RAD51B: variants seen among roughly 807,000 people sequenced by gnomAD.
RAD51B encodes the protein DNA repair protein RAD51 homolog 2.
A neutral mutation model predicts 42.2 loss-of-function variants in RAD51B; 38 were observed. The observed-to-expected ratio is 0.90, with a 90% CI of 0.70 to 1.18. The LOEUF (loss-of-function observed/expected upper bound fraction) is 1.18. RAD51B is among the 50% of genes most tolerant of loss of function. The pLI is 0.00. For missense variants in RAD51B, 373 were observed against 400.7 expected, an observed-to-expected ratio of 0.93 and a Z score of 0.59; for synonymous variants, 154 against 145.2, an observed-to-expected ratio of 1.06 and a Z score of -0.43.
intron 10 of RAD51B, among the ~76,000 whole-genome samples, chr14:68,544,275 C>T (rs1888111879): frequency 6.6e-6 from 1 of 152,190 alleles, no homozygotes; most frequent in Admixed American, 6.5e-5. Context: ...ATACTTGCTG[C>T]TGGAGGAAGG....
intron 7 of RAD51B, among the ~76,000 whole-genome samples, chr14:68,185,165 G>A (rs2079132943): frequency 6.6e-6 from 1 of 152,092 alleles, no homozygotes; most frequent in Non-Finnish European, 1.5e-5. Context: ...AAAATAAAAG[G>A]ATAGGGATGA....
intron 10 of RAD51B, among the ~76,000 whole-genome samples, chr14:68,486,768 C>T (rs1472431501): frequency 6.6e-6 from 1 of 152,156 alleles, no homozygotes; most frequent in African/African-American, 2.4e-5. Flanking sequence ...ATTTTTCATG[C>T]CCACACCTCA....
intron 10 of RAD51B, among the ~76,000 whole-genome samples, chr14:68,560,916 T>C (rs1288363615): frequency 1.3e-5 from 2 of 152,124 alleles, no homozygotes; most frequent in Non-Finnish European, 2.9e-5. Context: ...CTCACTGGGA[T>C]CATCCGGCAG....
intron 7 of RAD51B, among the ~76,000 whole-genome samples, chr14:68,253,706 A>T (rs1272318060): frequency 6.6e-6 from 1 of 152,196 alleles, no homozygotes; most frequent in African/African-American, 2.4e-5. Context: ...ATCTGTATTT[A>T]TTTATGCTTT....
chr14:67,968,239 G>A (rs1488210539), intron 7 of RAD51B, among the ~76,000 whole-genome samples: 1 of 152,272 alleles, frequency 6.6e-6, no homozygotes, highest in East Asian at 1.9e-4. Context: ...TAGGCTTCTG[G>A]GTCTGTGATG....
intron 4 of RAD51B, among the ~76,000 whole-genome samples, chr14:67,847,729 G>T (rs1022204911): frequency 1.3e-5 from 2 of 152,160 alleles, no homozygotes; most frequent in Non-Finnish European, 2.9e-5. Context: ...TATGTTTCTT[G>T]TACAGTTGAG....
intron 7 of RAD51B, among the ~76,000 whole-genome samples, chr14:67,955,692 A>G (rs10146831): frequency 0.06 from 9,117 of 152,286 alleles, 642 homozygotes; most frequent in African/African-American, 0.17. Flanking sequence ...ATTAGATTCT[A>G]TGTAGCTAAA....
intron 8 of RAD51B, among the ~76,000 whole-genome samples, chr14:68,357,472 G>A (rs890375028): frequency 4.6e-5 from 7 of 151,702 alleles, no homozygotes; most frequent in Non-Finnish European, 7.4e-5. Flanking sequence ...TATGAATCAC[G>A]AATCTTCTGA....
chr14:68,588,008 GA>G lies in RAD51B; in HGVS notation c.1037-6475del, dbSNP rs1272404061. On this transcript the variant is annotated intron_variant, in intron 10 of 10. Coordinates refer to the RAD51B transcript ENST00000487270. ...CACCTGGGAGCTTGTTACAGAAGCA[GA>G]ATCTCAGGCCCTACTGAATCAGAGA... 2.0e-5 allele frequency among the ~76,000 whole-genome samples: 3 copies of G among 152,354 alleles called. No individual in the cohort carries two copies. In the East Asian group the frequency reaches 5.8e-4, roughly 29 times the overall value.
chr14:68,035,375 G>T (rs1452569696), intron 7 of RAD51B, among the ~76,000 whole-genome samples: 2 of 151,092 alleles, frequency 1.3e-5, no homozygotes, highest in Non-Finnish European at 3.0e-5. Context: ...GTGAAGAATT[G>T]TTTTTTTTTA....
chr14:68,681,223 G>C (rs1193591908), intron 11 of RAD51B, among the ~76,000 whole-genome samples: 1 of 152,160 alleles, frequency 6.6e-6, no homozygotes, highest in Non-Finnish European at 1.5e-5. Flanking sequence ...TTCGATTTTT[G>C]AATTGTGGAG....
intron 7 of RAD51B, among the ~76,000 whole-genome samples, chr14:68,203,084 C>T (rs755358778): frequency 7.2e-5 from 11 of 152,172 alleles, no homozygotes; most frequent in Non-Finnish European, 2.9e-5. Context: ...TTGACCTCCT[C>T]CCATGAATCA....
intron 7 of RAD51B, among the ~76,000 whole-genome samples, chr14:68,115,907 C>G: frequency 6.6e-6 from 1 of 151,670 alleles, no homozygotes; most frequent in Non-Finnish European, 1.5e-5. Context: ...GTGTCAATAC[C>G]CTTCCTACAA....
intron 7 of RAD51B, among the ~76,000 whole-genome samples, chr14:68,110,779 T>G (rs1325044604): frequency 6.6e-6 from 1 of 152,028 alleles, no homozygotes; most frequent in Non-Finnish European, 1.5e-5. Flanking sequence ...TACATGATTG[T>G]TAAACTCAAA....
intron 7 of RAD51B, among the ~76,000 whole-genome samples, chr14:68,078,691 A>G (rs2076869487): frequency 6.6e-6 from 1 of 152,152 alleles, no homozygotes; most frequent in Non-Finnish European, 1.5e-5. Context: ...AAGATCCTAT[A>G]TTTAATTATA....
chr14:68,348,981 A>G (rs8017759), intron 8 of RAD51B, among the ~76,000 whole-genome samples: 2 of 152,248 alleles, frequency 1.3e-5, no homozygotes, highest in Non-Finnish European at 2.9e-5. Flanking sequence ...TGCAGGTCCT[A>G]TAATCTCTGT....
chr14:67,874,011 C>T (rs976973788), intron 5 of RAD51B, among the ~76,000 whole-genome samples: 8 of 151,036 alleles, frequency 5.3e-5, no homozygotes, highest in African/African-American at 9.8e-5. Context: ...GTGGGTGCAG[C>T]GCAGCAGCAT....
chr14:68,175,795 A>G (rs964596070), intron 7 of RAD51B, among the ~76,000 whole-genome samples: 2 of 152,080 alleles, frequency 1.3e-5, no homozygotes, highest in African/African-American at 2.4e-5. Flanking sequence ...AAATCACTCT[A>G]CCGCCTTTTA....
exon 11 of RAD51B, chr14:68,611,395 GTTC>G (rs1278408549): frequency 5.3e-5 from 33 of 619,338 alleles, no homozygotes; most frequent in Middle Eastern, 3.9e-4. Flanking sequence ...CAGTGAAAAA[GTTC>G]TTCTTCTCTA....
Sources: allele counts gnomAD v4.1 joint callset (sites outside exome capture counted in the v4.1 genomes callset), GRCh38; gene constraint gnomAD v4.1.1; transcripts MANE v1.5; gene names NCBI Gene and HGNC (gene_info 2026-07-23, HGNC 2026-07-21).